UTP20: variants seen among roughly 807,000 people sequenced by gnomAD.
UTP20 encodes small subunit processome component 20 homolog.
UTP20 carries 164 observed loss-of-function variants against 329.5 expected under a neutral mutation model. The observed-to-expected ratio is 0.50, with a 90% CI of 0.44 to 0.57. UTP20 has a LOEUF of 0.57. UTP20 is among the 20% of genes least tolerant of loss of function. UTP20 has a pLI of 0.00. For missense variants in UTP20, 3,055 were observed against 3,284.2 expected (o/e 0.93, Z 1.71); for synonymous variants, 1,151 against 1,159.3 (o/e 0.99, Z 0.14).
At chr12:101,369,126 G>GAT (rs1433270814) in intron 48 of UTP20, among the ~76,000 whole-genome samples, 1 of 152,212 alleles carries the variant, frequency 6.6e-6, no homozygotes, top group Non-Finnish European at 1.5e-5. Flanking sequence ...TAAATGCAGA[G>GAT]ATGGTATCCT....
intron 48 of UTP20, among the ~76,000 whole-genome samples, chr12:101,368,861 G>A (rs1332811756): frequency 6.6e-6 from 1 of 152,076 alleles, no homozygotes; most frequent in Non-Finnish European, 1.5e-5. Flanking sequence ...TGGGATGTAA[G>A]CCAAGGTCTT....
chr12:101,284,698 A>G (rs929959515), intron 2 of UTP20, among the ~76,000 whole-genome samples: 6 of 152,126 alleles, frequency 3.9e-5, no homozygotes, highest in Non-Finnish European at 8.8e-5. Flanking sequence ...AGTACAAAGT[A>G]ATTGATACCA....
At chr12:101,289,496 A>G (rs1213035465) in intron 6 of UTP20, among the ~76,000 whole-genome samples, 1 of 152,166 alleles carries the variant, frequency 6.6e-6, no homozygotes, top group Non-Finnish European at 1.5e-5. Context: ...CTATGTATCT[A>G]TATATATACT....
intron 60 of UTP20, among the ~76,000 whole-genome samples, chr12:101,383,932 G>A (rs1203029910): frequency 6.6e-6 from 1 of 151,684 alleles, no homozygotes; most frequent in Non-Finnish European, 1.5e-5. Context: ...TCAAACTCCT[G>A]GCTTCAAGCA....
intron 2 of UTP20, among the ~76,000 whole-genome samples, chr12:101,281,949 C>T (rs189745846): frequency 5.9e-5 from 9 of 152,112 alleles, no homozygotes; most frequent in African/African-American, 1.9e-4. Context: ...GTGATCTGCT[C>T]GCCTTGGCCT....
chr12:101,321,701 T>C, intron 25 of UTP20, 72 bp downstream of exon 25: 1 of 1,515,396 alleles, frequency 6.6e-7, no homozygotes, highest in South Asian at 1.2e-5. Flanking sequence ...AGTATTATGG[T>C]TCTTTCAACA....
chr12:101,383,506 A>G, intron 59 of UTP20, 37 bp from the exon 60 acceptor site: 11 of 1,602,124 alleles, frequency 6.9e-6, no homozygotes, highest in Non-Finnish European at 9.4e-6. Context: ...TGCTAAAGAG[A>G]AGTCTTTCAA....
chr12:101,373,397 C>A lies in UTP20; in HGVS notation c.6879-4C>A, dbSNP rs762478953. The A allele has an allele frequency of 1.2e-6, 2 of 1,613,520 alleles. No homozygotes were observed. The highest frequency in any genetic ancestry group is 1.7e-6 in the Non-Finnish European group (2 of 1,179,458). On this transcript the variant is annotated splice_region_variant and splice_polypyrimidine_tract_variant and intron_variant, in intron 52 of 61. Coordinates refer to ENST00000261637, the MANE Select transcript of UTP20 (RefSeq NM_014503.3). ...AACAAATCCACCTAATGTCCTTCCC[C>A]TAGTTACGAACATGAGACCGGGAGA...
intron 12 of UTP20, among the ~76,000 whole-genome samples, chr12:101,296,431 C>T (rs1412440159): frequency 6.6e-6 from 1 of 152,102 alleles, no homozygotes; most frequent in African/African-American, 2.4e-5. Flanking sequence ...ATTAGCCAGG[C>T]GTGGTGGCGG....
chr12:101,375,710 T>C lies in UTP20; in HGVS notation c.7350T>C (p.Asn2450=). The C allele has an allele frequency of 6.2e-7, 1 of 1,602,538 alleles. No homozygotes were observed. The highest frequency in any genetic ancestry group is 8.5e-7 in the Non-Finnish European group (1 of 1,171,490). The change falls in exon 56 of 62, where the codon AAT becomes AAC. Residue 2450 remains asparagine (N), a synonymous_variant. Transcript: ENST00000261637. ...TLITKLIKEC[N]IIQFTKPAET... ...TAACTAAACTTATCAAGGAATGTAA[T>C]ATTATTCAGTTTACCAAACCCGCTG...
Position 101,299,787 on chromosome 12 carries a change from T to C in UTP20, c.1536T>C (p.Thr512=). The C allele has an allele frequency of 6.2e-7, 1 of 1,613,118 alleles. No individual in the cohort carries two copies. Among genetic ancestry groups the C allele is most frequent in the Non-Finnish European group, 8.5e-7 (1 of 1,179,682 alleles). ...TTAAGTTACCCCCAAATAAAGATACTACTTACCTTTCACAATCTTGGGCAG... is the reference window on the plus strand; with the variant it reads ...TTAAGTTACCCCCAAATAAAGATACCACTTACCTTTCACAATCTTGGGCAG... ...SIIKLPPNKD[T]TYLSQSWAAL... The change falls in exon 13 of 62, where the codon ACT becomes ACC. Residue 512 remains threonine, a synonymous_variant. Coordinates refer to ENST00000261637, the MANE Select transcript of UTP20 (RefSeq NM_014503.3).
intron 29 of UTP20, among the ~76,000 whole-genome samples, chr12:101,335,101 A>G (rs1868891702): frequency 6.6e-6 from 1 of 152,238 alleles, no homozygotes; most frequent in South Asian, 2.1e-4. Context: ...AGAACTGTTA[A>G]CAATGTGGCC....
intron 31 of UTP20, among the ~76,000 whole-genome samples, chr12:101,339,280 T>G (rs1444300817): frequency 1.3e-5 from 2 of 152,030 alleles, no homozygotes; most frequent in Non-Finnish European, 2.9e-5. Context: ...GCCACTGCAC[T>G]CCAGCCTGGG....
intron 56 of UTP20, among the ~76,000 whole-genome samples, chr12:101,378,413 C>T (rs539774057): frequency 1.3e-5 from 2 of 152,190 alleles, no homozygotes; most frequent in Admixed American, 1.3e-4. Context: ...TACATACTTA[C>T]ATTACTCACT....
Position 101,356,701 on chromosome 12 carries a change from T to A in UTP20, c.5534+8T>A. ...GGAAGCTAATCTGCCAAGGTATGTT[T>A]TTTAACAAATTAGAAGTTTAGTGAA... is the stretch of plus-strand genomic sequence containing the variant. On this transcript the variant is annotated splice_region_variant and intron_variant, in intron 42 of 61. Coordinates refer to ENST00000261637, the MANE Select transcript of UTP20 (RefSeq NM_014503.3). 1 of 1,599,882 alleles carries A rather than the reference T, an allele frequency of 6.3e-7. No individual in the cohort carries two copies. Among genetic ancestry groups the A allele is most frequent in the African/African-American group, 1.3e-5 (1 of 74,202 alleles).
chr12:101,329,269 A>T lies in UTP20; in HGVS notation c.3237A>T (p.Ala1079=). The T allele has an allele frequency of 6.2e-7, 1 of 1,614,194 alleles. No individual in the cohort carries two copies. Among genetic ancestry groups the T allele is most frequent in the South Asian group, 1.1e-5 (1 of 91,082 alleles). ...AGTGCCATTCTGCAGTCATTCAAGC[A>T]GTAGAAGACTTGGATTTGTCTAAAG... is the stretch of plus-strand genomic sequence containing the variant. ...NGECHSAVIQ[A]VEDLDLSKVL... is the part of the protein sequence containing the mutation. Residue 1079 remains alanine, a synonymous_variant, in exon 27 of 62, where the codon GCA becomes GCT. Transcript: ENST00000261637.
rs1319111134 is a variant in UTP20 at position 101,386,108 on chromosome 12, A to G, written c.8343A>G (p.Leu2781=). 1 of 1,605,946 alleles carries G rather than the reference A, an allele frequency of 6.2e-7. No homozygotes were observed. The highest frequency in any genetic ancestry group is 1.8e-5 in the Admixed American group (1 of 57,050). The change falls in exon 62 of 62, where the codon TTA becomes TTG. Residue 2781 remains leucine, a synonymous_variant. Transcript: ENST00000261637. ...AAAAAAGCCATAGCCTGAAAGATTT[A>G]GCAATGGTGGAGTAATGTCTCCCTG... ...KRQKSHSLKD[L]AMVE is the part of the protein sequence containing the mutation.
At chr12:101,316,735 C>T (rs1476242529) in intron 21 of UTP20, among the ~76,000 whole-genome samples, 6 of 152,108 alleles carry the variant, frequency 3.9e-5, no homozygotes, top group Admixed American at 1.3e-4. Context: ...CAATAGACAA[C>T]AAAAGGTTAA....
intron 22 of UTP20, among the ~76,000 whole-genome samples, chr12:101,319,260 C>T (rs1873072802): frequency 6.6e-6 from 1 of 152,162 alleles, no homozygotes; most frequent in Admixed American, 6.5e-5. Flanking sequence ...GAATATTTTA[C>T]TAGTTTGGTT....
Sources: gnomAD v4.1 joint callset for allele counts (sites outside exome capture counted in the v4.1 genomes callset) on GRCh38, gnomAD v4.1.1 for gene constraint, MANE v1.5 for transcripts, NCBI Gene and HGNC (gene_info 2026-07-23, HGNC 2026-07-21) for gene names.